The following KCNT2 variants were observed in gnomAD, a reference collection of about 807,000 sequenced individuals.
The protein encoded by KCNT2 is potassium sodium-activated channel subfamily T member 2.
A neutral mutation model predicts 153.8 loss-of-function variants in KCNT2; 67 were observed. The observed-to-expected ratio is 0.44, with a 90% CI of 0.36 to 0.53. KCNT2 has a LOEUF of 0.53. Ranked by LOEUF, KCNT2 falls within the 20% of genes least tolerant of loss-of-function variation. The probability of loss-of-function intolerance (pLI) is 0.00; values close to 1 mark genes in which losing one functional copy is unlikely to be tolerated. For synonymous variants in KCNT2, 500 were observed against 458.8 expected, an observed-to-expected ratio of 1.09 and a Z score of -1.15; for missense variants, 975 against 1,354.8, an observed-to-expected ratio of 0.72 and a Z score of 4.40.
chr1:196,608,403 A>C lies in KCNT2; in HGVS notation c.-94T>G. The C allele has an allele frequency of 1.1e-6, 1 of 936,060 alleles. No individual in the cohort carries two copies. The highest frequency in any genetic ancestry group is 1.7e-6 in the Non-Finnish European group (1 of 587,146). The allele number at this position is 936,060 out of a possible 1,614,324, so 58.0% of individuals were successfully genotyped here. ...GCGGAGTACAGGGAGAGGACTAACA[A>C]GACGCTGTGGCCGAGAGAGGGATGG... is the stretch of plus-strand genomic sequence containing the variant. On this transcript the variant is annotated 5_prime_UTR_variant, in exon 1 of 28. Transcript: ENST00000294725.
chr1:196,477,183 G>GA (rs201474153), intron 5 of KCNT2, among the ~76,000 whole-genome samples: 3 of 148,368 alleles, frequency 2.0e-5, no homozygotes, highest in Non-Finnish European at 3.0e-5. Context: ...AATTAAAAAA[G>GA]AAAAAAAAAG....
intron 26 of KCNT2, among the ~76,000 whole-genome samples, chr1:196,241,188 G>GTTTTGT (rs200445906): frequency 0.038 from 5,716 of 151,774 alleles, 154 homozygotes; most frequent in South Asian, 0.082. Flanking sequence ...AGAGGGTTTT[G>GTTTTGT]TTTTGTTTTT....
intron 14 of KCNT2, among the ~76,000 whole-genome samples, chr1:196,352,470 T>G (rs1558184229): frequency 6.6e-6 from 1 of 152,202 alleles, no homozygotes; most frequent in East Asian, 1.9e-4. Context: ...CCATTTCTTC[T>G]AGATTTTCTA....
intron 3 of KCNT2, among the ~76,000 whole-genome samples, chr1:196,484,703 T>C (rs1227687937): frequency 6.6e-6 from 1 of 152,122 alleles, no homozygotes; most frequent in African/African-American, 2.4e-5. Flanking sequence ...AATTTTTGTA[T>C]AAGGTATAAG....
At chr1:196,281,733 C>G (rs1363710374) in intron 24 of KCNT2, among the ~76,000 whole-genome samples, 2 of 150,502 alleles carry the variant, frequency 1.3e-5, no homozygotes, top group African/African-American at 4.9e-5. Context: ...TTCAAATTGC[C>G]AGTTAACAAA....
At chr1:196,505,196 T>G (rs1317899037) in intron 1 of KCNT2, among the ~76,000 whole-genome samples, 1 of 152,172 alleles carries the variant, frequency 6.6e-6, no homozygotes, top group Non-Finnish European at 1.5e-5. Context: ...TAGGTTTTCT[T>G]CTAGGGTTTT....
At chr1:196,544,594 G>A (rs1656828780) in intron 1 of KCNT2, among the ~76,000 whole-genome samples, 1 of 152,106 alleles carries the variant, frequency 6.6e-6, no homozygotes, top group African/African-American at 2.4e-5. Flanking sequence ...AAGGATGAAA[G>A]GGCAATATGG....
At chr1:196,516,317 G>C (rs1197525764) in intron 1 of KCNT2, among the ~76,000 whole-genome samples, 2 of 152,050 alleles carry the variant, frequency 1.3e-5, no homozygotes, top group Non-Finnish European at 2.9e-5. Context: ...GGCAATTAGG[G>C]ACTGCGGTGG....
chr1:196,556,634 A>G (rs756097305), intron 1 of KCNT2, among the ~76,000 whole-genome samples: 2 of 151,492 alleles, frequency 1.3e-5, no homozygotes, highest in Non-Finnish European at 3.0e-5. Flanking sequence ...TGCTGGGTAT[A>G]TACCCAAAAG....
intron 8 of KCNT2, among the ~76,000 whole-genome samples, chr1:196,441,478 T>G (rs997400457): frequency 6.6e-6 from 1 of 151,276 alleles, no homozygotes; most frequent in African/African-American, 2.4e-5. Flanking sequence ...ATCACCAAGG[T>G]GTGAGACAGA....
intron 12 of KCNT2, among the ~76,000 whole-genome samples, chr1:196,419,026 C>A (rs1393917657): frequency 2.0e-5 from 3 of 151,996 alleles, no homozygotes; most frequent in African/African-American, 7.2e-5. Context: ...TGTGCTGGAT[C>A]CCCTGAGGCT....
intron 5 of KCNT2, among the ~76,000 whole-genome samples, chr1:196,477,284 T>C (rs1678621225): frequency 6.6e-6 from 1 of 152,136 alleles, no homozygotes; most frequent in African/African-American, 2.4e-5. Flanking sequence ...TCAAAACTCT[T>C]GTTTTAAAAA....
intron 1 of KCNT2, among the ~76,000 whole-genome samples, chr1:196,513,843 A>T (rs1303108880): frequency 6.6e-6 from 1 of 152,238 alleles, no homozygotes; most frequent in Admixed American, 6.5e-5. Context: ...CAGAGGTATG[A>T]AAAGAGGAAA....
At chr1:196,334,770 T>C (rs1572077075) in intron 16 of KCNT2, among the ~76,000 whole-genome samples, 1 of 152,216 alleles carries the variant, frequency 6.6e-6, no homozygotes, top group East Asian at 1.9e-4. Context: ...GAAACCTGTA[T>C]GTAGCAAGTA....
At chr1:196,575,452 C>T (rs950841012) in intron 1 of KCNT2, among the ~76,000 whole-genome samples, 2 of 152,016 alleles carry the variant, frequency 1.3e-5, no homozygotes, top group African/African-American at 4.8e-5. Flanking sequence ...TGTGAACCCA[C>T]CTAACGTCTA....
rs1663535970 is a variant in KCNT2 at position 196,592,749 on chromosome 1, AGAAT to A, written c.95+15462_95+15465del. On this transcript the variant is annotated intron_variant, in intron 1 of 27. Transcript: ENST00000294725. Reference sequence around the variant, plus strand: ...TATACATATATATATATAGTCAGAAAGAATGAATAAGACCTAGTATTTGATAACA... The same window carrying A: ...TATACATATATATATATAGTCAGAAAGAATAAGACCTAGTATTTGATAACA... 2.0e-5 allele frequency among the ~76,000 whole-genome samples: 3 copies of A among 147,704 alleles called. No individual in the cohort carries two copies. The South Asian group carries it at 6.3e-4, about 31-fold the overall frequency.
intron 14 of KCNT2, among the ~76,000 whole-genome samples, chr1:196,357,543 A>G (rs1038466382): frequency 6.6e-6 from 1 of 151,876 alleles, no homozygotes; most frequent in Non-Finnish European, 1.5e-5. Flanking sequence ...AAATTTTAGG[A>G]ATCATTGGTT....
intron 21 of KCNT2, among the ~76,000 whole-genome samples, chr1:196,311,593 G>A (rs1006702579): frequency 5.3e-5 from 8 of 151,736 alleles, no homozygotes; most frequent in Non-Finnish European, 1.0e-4. Context: ...ACTAGGTCAC[G>A]CCTGGACTTT....
chr1:196,592,266 C>T (rs893260616), intron 1 of KCNT2, among the ~76,000 whole-genome samples: 1 of 151,732 alleles, frequency 6.6e-6, no homozygotes, highest in Non-Finnish European at 1.5e-5. Context: ...TCAGAAATGA[C>T]ATCTTTTCAC....
Sources: allele counts gnomAD v4.1 joint callset (sites outside exome capture counted in the v4.1 genomes callset), GRCh38; gene constraint gnomAD v4.1.1; transcripts MANE v1.5; gene names NCBI Gene and HGNC (gene_info 2026-07-23, HGNC 2026-07-21).